Variants in RNF126 observed in about 807,000 individuals in gnomAD.
RNF126 encodes E3 ubiquitin-protein ligase RNF126.
Under a neutral mutation model 41.9 loss-of-function variants are expected in RNF126, and 20 were observed. The observed-to-expected ratio is 0.48, with a 90% CI of 0.34 to 0.69. The LOEUF (loss-of-function observed/expected upper bound fraction) is 0.69, where lower values mean the gene tolerates loss of function less well. Among genes scored for constraint, RNF126 ranks in the 30% least tolerant of loss-of-function variants. The pLI is 0.01. For synonymous variants in RNF126, 239 were observed against 202.9 expected (o/e 1.18, Z -1.51); for missense variants, 433 against 460.6 (o/e 0.94, Z 0.55).
At position 663,122 on chromosome 19, in the gene RNF126, G is replaced by T. The variant is rs1439614033; in HGVS notation, c.-1C>A. 6 of 1,289,938 alleles carry T rather than the reference G, an allele frequency of 4.7e-6. No homozygotes were observed. The highest frequency in any genetic ancestry group is 2.1e-5 in the South Asian group (1 of 48,184). The allele number at this position is 1,289,938 out of a possible 1,614,324, so 79.9% of individuals were successfully genotyped here. A position where few individuals can be genotyped will look rare whatever the true frequency, so the allele number is the denominator to read the frequency against. On this transcript the variant is annotated 5_prime_UTR_variant, in exon 1 of 9. Transcript: ENST00000292363. ...CGGGATGCGGCGACGCCTCGGCCAT[G>T]GCCGCCGCCACCTACTCCGCGCCGC...
chr19:661,725 T>TG (rs1286447618), intron 1 of RNF126, among the ~76,000 whole-genome samples: 1 of 152,190 alleles, frequency 6.6e-6, no homozygotes, highest in Admixed American at 6.5e-5. Flanking sequence ...GCACTGCTTC[T>TG]GGGGGGCTTG....
intron 2 of RNF126, 43 bp downstream of exon 2, chr19:652,783 C>T (rs1443735371): frequency 6.3e-7 from 1 of 1,582,118 alleles, no homozygotes. Context: ...ACAGCTGAGG[C>T]CCGGCTGGCT....
In RNF126 at chr19:659,849, C is replaced by T. The variant is rs544568208; in HGVS notation, c.75+3198G>A. Among the ~76,000 whole-genome samples, 117 of 152,036 alleles carry T rather than the reference C, an allele frequency of 7.7e-4. No individual in the cohort carries two copies. The highest frequency in any genetic ancestry group is 2.7e-3 in the African/African-American group (113 of 41,458). On this transcript the variant is annotated intron_variant, in intron 1 of 8. Coordinates refer to ENST00000292363, the MANE Select transcript of RNF126 (RefSeq NM_194460.3). The surrounding 1 kb of genome is among the most constrained non-coding windows in gnomAD (Gnocchi z 4.9). Reference sequence around the variant, plus strand: ...CACAATCTCGGCTCACTGCAACCTCCGCCTTCCAGGTTCAAGCAATTCTCC... The same window carrying T: ...CACAATCTCGGCTCACTGCAACCTCTGCCTTCCAGGTTCAAGCAATTCTCC...
At chr19:653,208 G>A (rs2030407854) in intron 1 of RNF126, among the ~76,000 whole-genome samples, 2 of 152,106 alleles carry the variant, frequency 1.3e-5, no homozygotes, top group South Asian at 4.1e-4. Flanking sequence ...CAGTGCCTGG[G>A]CACCTCCTCA....
chr19:649,523 C>T (rs939020764), intron 6 of RNF126, 156 bp downstream of exon 6: 4 of 610,412 alleles, frequency 6.6e-6, no homozygotes, highest in South Asian at 6.0e-5. Context: ...GGAGGAAGGC[C>T]GGAGCTGCCC....
chr19:648,015 G>C lies in RNF126; in HGVS notation c.*113C>G. 1 of 1,278,382 alleles carries C rather than the reference G, an allele frequency of 7.8e-7. No homozygotes were observed. The highest frequency in any genetic ancestry group is 1.5e-5 in the South Asian group (1 of 65,254). 79.2% of individuals were successfully genotyped at this position (1,278,382 alleles called of 1,614,324 possible). On this transcript the variant is annotated 3_prime_UTR_variant, in exon 9 of 9. Transcript: ENST00000292363. ...TGCCCTGGAACAGGCGGGACCTGCAGCGCTGACCAGCCAAGCGTGGCGCCG... is the reference window on the plus strand; with the variant it reads ...TGCCCTGGAACAGGCGGGACCTGCACCGCTGACCAGCCAAGCGTGGCGCCG...
rs538253769 is a variant in RNF126, at chr19:648,491, C to T, written c.671-4G>A. ...ACAGGGCACTCGAGCCCGGAGCCTG[C>T]GGGAGTGTGCAGCTGCGGTCACAGC... On this transcript the variant is annotated splice_polypyrimidine_tract_variant and splice_region_variant and intron_variant, in intron 7 of 8. Coordinates refer to ENST00000292363, the MANE Select transcript of RNF126 (RefSeq NM_194460.3). 1.7e-5 allele frequency: 26 copies of T among 1,562,370 alleles called. No individual in the cohort carries two copies. Among genetic ancestry groups the T allele is most frequent in the South Asian group, 1.2e-4 (10 of 85,154 alleles).
In RNF126 at chr19:663,143, G is replaced by GCCGC; in HGVS notation, c.-26_-23dup. On this transcript the variant is annotated 5_prime_UTR_variant, in exon 1 of 9. Coordinates refer to ENST00000292363, the MANE Select transcript of RNF126 (RefSeq NM_194460.3). ...CCATGGCCGCCGCCACCTACTCCGC[G>GCCGC]CCGCCCGCCCCCCGCGCGGCACCCG... 8.5e-7 allele frequency: 1 copy of GCCGC among 1,174,648 alleles called. No individual in the cohort carries two copies. The highest frequency in any genetic ancestry group is 1.1e-6 in the Non-Finnish European group (1 of 944,628). 72.8% of individuals were successfully genotyped at this position (1,174,648 alleles called of 1,614,324 possible).
intron 1 of RNF126, among the ~76,000 whole-genome samples, chr19:654,126 A>G (rs1420054143): frequency 6.6e-6 from 1 of 152,232 alleles, no homozygotes; most frequent in African/African-American, 2.4e-5. Flanking sequence ...GCCCCCGCCC[A>G]CACCACGCCG....
chr19:655,173 G>C (rs1279081198), intron 1 of RNF126, among the ~76,000 whole-genome samples: 1 of 151,996 alleles, frequency 6.6e-6, no homozygotes, highest in Admixed American at 6.6e-5. Flanking sequence ...GGGTATGCTG[G>C]GGTGGGTCTG....
intron 1 of RNF126, among the ~76,000 whole-genome samples, chr19:657,941 C>T (rs559818934): frequency 2.1e-4 from 32 of 152,060 alleles, no homozygotes; most frequent in Non-Finnish European, 4.1e-4. Flanking sequence ...CGTATTAAAT[C>T]GGGGCAGCTG....
At chr19:651,590 C>G in intron 4 of RNF126, 21 bp downstream of exon 4, 1 of 1,397,476 alleles carries the variant, frequency 7.2e-7, no homozygotes, top group Non-Finnish European at 9.3e-7. Flanking sequence ...GCCCTCGCGG[C>G]CACCCCCGGG....
At chr19:650,082 C>T (rs1211331081) in intron 5 of RNF126, 152 bp downstream of exon 5, 2 of 715,380 alleles carry the variant, frequency 2.8e-6, no homozygotes, top group African/African-American at 2.0e-5. Flanking sequence ...GGACAGGCAC[C>T]CCCTCCTACT....
chr19:656,397 T>G (rs1266448992), intron 1 of RNF126, among the ~76,000 whole-genome samples: 2 of 152,102 alleles, frequency 1.3e-5, no homozygotes, highest in Admixed American at 1.3e-4. Context: ...CTCACACCTG[T>G]AATCCTAGCA....
At chr19:648,349 G>GT in intron 8 of RNF126, 23 bp downstream of exon 8, 1 of 576,318 alleles carries the variant, frequency 1.7e-6, no homozygotes, top group Non-Finnish European at 2.9e-6. Context: ...CGGGGTGGGG[G>GT]GGCGGGTGGG....
At chr19:653,891 A>G (rs1293337459) in intron 1 of RNF126, among the ~76,000 whole-genome samples, 1 of 152,260 alleles carries the variant, frequency 6.6e-6, no homozygotes, top group East Asian at 1.9e-4. Flanking sequence ...CAGGTAACAC[A>G]GACAAAAACA....
chr19:653,531 T>C (rs1019806126), intron 1 of RNF126, among the ~76,000 whole-genome samples: 7 of 152,218 alleles, frequency 4.6e-5, no homozygotes, highest in African/African-American at 1.7e-4. Context: ...TGCCATCCCC[T>C]GTGGATCTCA....
chr19:649,223 G>GGGGT lies in RNF126; in HGVS notation c.577-249_577-248insACCC, dbSNP rs2030140947. 7.7e-6 allele frequency: 2 copies of GGGGT among 258,442 alleles called. 1 individual carries two copies. The highest frequency in any genetic ancestry group is 1.4e-5 in the Non-Finnish European group (2 of 139,508). The allele number at this position is 258,442 out of a possible 1,614,324, so 16.0% of individuals were successfully genotyped here. A position where few individuals can be genotyped will look rare whatever the true frequency, so the allele number is the denominator to read the frequency against. Reference sequence around the variant, plus strand: ...TCCTGGGTCCCTGACAGCGGAATGGGGGGGGGGGCCGCGCTCCTGAGTGCC... The same window carrying GGGGT: ...TCCTGGGTCCCTGACAGCGGAATGGGGGGTGGGGGGGGCCGCGCTCCTGAGTGCC... On this transcript the variant is annotated intron_variant, in intron 6 of 8. Coordinates refer to ENST00000292363, the MANE Select transcript of RNF126 (RefSeq NM_194460.3).
At chr19:648,607 C>T (rs980488436) in intron 7 of RNF126, 120 bp from the exon 8 acceptor site, 11 of 798,534 alleles carry the variant, frequency 1.4e-5, no homozygotes, top group African/African-American at 1.7e-5. Flanking sequence ...GGAGAAAAGC[C>T]GTGTGTGTGT....
Sources: gnomAD v4.1 joint callset for allele counts (sites outside exome capture counted in the v4.1 genomes callset) on GRCh38, gnomAD v4.1.1 for gene constraint, Gnocchi (gnomAD v3.1) non-coding constraint, MANE v1.5 for transcripts, NCBI Gene and HGNC (gene_info 2026-07-23, HGNC 2026-07-21) for gene names.